The following SLC8A1 variants were observed in gnomAD, a reference collection of about 807,000 sequenced individuals.
SLC8A1 encodes solute carrier family 8 member A1.
SLC8A1 carries 18 observed loss-of-function variants against 68.3 expected under a neutral mutation model. That is an observed-to-expected ratio of 0.26 (90% CI 0.18 to 0.39). The LOEUF (loss-of-function observed/expected upper bound fraction) is 0.39, where lower values mean the gene tolerates loss of function less well. SLC8A1 is among the 10% of genes least tolerant of loss of function. The probability of loss-of-function intolerance (pLI) is 1.00; values close to 1 mark genes in which losing one functional copy is unlikely to be tolerated. For synonymous variants in SLC8A1, 475 were observed against 415.5 expected, an observed-to-expected ratio of 1.14 and a Z score of -1.74; for missense variants, 985 against 1,156.7, an observed-to-expected ratio of 0.85 and a Z score of 2.15.
chr2:40,264,708 G>A (rs1038834782), intron 2 of SLC8A1, among the ~76,000 whole-genome samples: 1 of 152,158 alleles, frequency 6.6e-6, no homozygotes, highest in Non-Finnish European at 1.5e-5. Context: ...TGTGGGGTGG[G>A]GTGAGGGAGA....
At chr2:40,240,683 C>T (rs924491997) in intron 2 of SLC8A1, among the ~76,000 whole-genome samples, 1 of 152,146 alleles carries the variant, frequency 6.6e-6, no homozygotes, top group East Asian at 1.9e-4. Flanking sequence ...ATAAATATTT[C>T]TTGAGCATTC....
chr2:40,204,579 T>A (rs144938683), intron 2 of SLC8A1, among the ~76,000 whole-genome samples: 182 of 152,136 alleles, frequency 1.2e-3, no homozygotes, highest in African/African-American at 4.2e-3. Context: ...CCCATTCTAA[T>A]GACTCTATCC....
At position 40,317,236 on chromosome 2, in the gene SLC8A1, G is replaced by C. The variant is rs147408607; in HGVS notation, c.1808+111237C>G. 5.7e-3 allele frequency among the ~76,000 whole-genome samples: 864 copies of C among 152,122 alleles called. 8 individuals carry two copies. The highest frequency in any genetic ancestry group is 0.02 in the African/African-American group (819 of 41,516). ...TCTCTTGTTCGACTAACTCCTCTCT[G>C]TTATTTATTACTGGAGACAGACAGT... On this transcript the variant is annotated intron_variant, in intron 2 of 7. Transcript: ENST00000406785.
At chr2:40,334,429 T>A (rs181291203) in intron 2 of SLC8A1, among the ~76,000 whole-genome samples, 14 of 152,336 alleles carry the variant, frequency 9.2e-5, no homozygotes, top group Non-Finnish European at 1.8e-4. Flanking sequence ...TGACAATATT[T>A]TTTACAGCCA....
chr2:40,375,715 T>C (rs926303692), intron 2 of SLC8A1, among the ~76,000 whole-genome samples: 4 of 152,086 alleles, frequency 2.6e-5, no homozygotes, highest in African/African-American at 9.7e-5. Flanking sequence ...TCAAGTTATA[T>C]GCTTAGGCTG....
At chr2:40,353,863 C>G (rs1671870710) in intron 2 of SLC8A1, among the ~76,000 whole-genome samples, 1 of 152,154 alleles carries the variant, frequency 6.6e-6, no homozygotes, top group Admixed American at 6.5e-5. Flanking sequence ...AGGGAGGCAC[C>G]AGATTAGAAT....
chr2:40,477,231 G>T (rs565265018), intron 1 of SLC8A1, among the ~76,000 whole-genome samples: 1 of 152,182 alleles, frequency 6.6e-6, no homozygotes, highest in African/African-American at 2.4e-5. Flanking sequence ...AACTACCATG[G>T]TATCTGATAT....
chr2:40,345,345 CCATTT>C (rs531374298), intron 2 of SLC8A1, among the ~76,000 whole-genome samples: 12 of 152,074 alleles, frequency 7.9e-5, no homozygotes, highest in Non-Finnish European at 1.3e-4. Context: ...AATTATATTT[CCATTT>C]ATTTGCAAAG....
chr2:40,287,582 ATGTGTGTGTGTGTGTGTGTGTG>A (rs10522914), intron 2 of SLC8A1, among the ~76,000 whole-genome samples: 1 of 127,480 alleles, frequency 7.8e-6, no homozygotes, highest in Non-Finnish European at 1.7e-5. Context: ...CAGAGGAATG[ATGTGTGTGTGTGTGTGTGTGTG>A]TGTGTGTGTG....
exon 2 of SLC8A1, chr2:40,429,798 G>A (rs1489573037): frequency 2.5e-6 from 4 of 1,613,664 alleles, no homozygotes; most frequent in East Asian, 4.5e-5. Flanking sequence ...CTCCTGCAGT[G>A]AAGTTATGGC....
exon 2 of SLC8A1, chr2:40,428,717 C>T (rs764120300): frequency 7.4e-6 from 12 of 1,613,716 alleles, no homozygotes; most frequent in Non-Finnish European, 1.0e-5. Flanking sequence ...GAGGGAGATC[C>T]GAGGCAAGCA....
In SLC8A1 at chr2:40,401,645, GA is replaced by G. The variant is rs68092033; in HGVS notation, c.1808+26827del. ...ATATGTATTTTTTGTCACATTAAGT[GA>G]AAAAAAAAAAAAAGTTCCCCAAAGT... On this transcript the variant is annotated intron_variant, in intron 2 of 7. Transcript: ENST00000406785. 1.7e-3 allele frequency among the ~76,000 whole-genome samples: 248 copies of G among 143,292 alleles called. 2 individuals carry two copies. Among genetic ancestry groups the G allele is most frequent in the African/African-American group, 4.0e-3 (157 of 39,626 alleles). The allele number at this position is 143,292 out of a possible 152,430, so 94.0% of individuals were successfully genotyped here. A position where few individuals can be genotyped will look rare whatever the true frequency, so the allele number is the denominator to read the frequency against.
At chr2:40,369,094 G>A (rs1389730374) in intron 2 of SLC8A1, among the ~76,000 whole-genome samples, 16 of 151,902 alleles carry the variant, frequency 1.1e-4, no homozygotes, top group African/African-American at 3.6e-4. Context: ...TTTAGGAGAC[G>A]ACCTAGGCAA....
At chr2:40,309,066 T>C (rs759467115) in intron 2 of SLC8A1, among the ~76,000 whole-genome samples, 46 of 151,976 alleles carry the variant, frequency 3.0e-4, no homozygotes, top group Admixed American at 3.3e-4. Context: ...TATTTTGCAG[T>C]GAAAAAAAAA....
intron 4 of SLC8A1, among the ~76,000 whole-genome samples, 175 bp from the exon 8 acceptor site, chr2:40,165,159 G>C (rs2046336781): frequency 6.6e-6 from 1 of 152,186 alleles, no homozygotes; most frequent in South Asian, 2.1e-4. Flanking sequence ...ATGTAAGGCA[G>C]CATATCACTG....
chr2:40,431,643 G>T (rs964654953), intron 1 of SLC8A1, among the ~76,000 whole-genome samples: 1 of 152,156 alleles, frequency 6.6e-6, no homozygotes, highest in Admixed American at 6.6e-5. Context: ...GGATGGACTA[G>T]TTATGACATC....
At chr2:40,454,342 G>C (rs1211340591), upstream of SLC8A1, among the ~76,000 whole-genome samples, 2 of 152,172 alleles carry the variant, frequency 1.3e-5, no homozygotes, top group Middle Eastern at 3.4e-3. Context: ...AAAGAGTGTA[G>C]CCTCTTATTG....
chr2:40,307,803 G>A (rs2072939054), intron 2 of SLC8A1, among the ~76,000 whole-genome samples: 1 of 152,020 alleles, frequency 6.6e-6, no homozygotes, highest in African/African-American at 2.4e-5. Flanking sequence ...TAGCAGCAAA[G>A]GCATCATAAC....
intron 2 of SLC8A1, among the ~76,000 whole-genome samples, chr2:40,201,160 C>T (rs2054293153): frequency 6.6e-6 from 1 of 151,638 alleles, no homozygotes; most frequent in Admixed American, 6.6e-5. Flanking sequence ...TGTACTTCTC[C>T]TTCAAGATTA....
Sources: allele counts gnomAD v4.1 joint callset (sites outside exome capture counted in the v4.1 genomes callset), GRCh38; gene constraint gnomAD v4.1.1; transcripts MANE v1.5; gene names NCBI Gene and HGNC (gene_info 2026-07-23, HGNC 2026-07-21).